Variants in GMDS observed in about 807,000 individuals in gnomAD.
The protein encoded by GMDS is GDP-mannose 4,6 dehydratase.
GMDS carries 20 observed loss-of-function variants against 49.9 expected under a neutral mutation model. The observed-to-expected ratio is 0.40, with a 90% confidence interval of 0.28 to 0.58. GMDS has a LOEUF of 0.58. Ranked by LOEUF, GMDS falls within the 20% of genes least tolerant of loss-of-function variation. The pLI, the probability that GMDS is intolerant of heterozygous loss-of-function variation, is 0.42. For missense variants in GMDS, 362 were observed against 481.4 expected (o/e 0.75, Z 2.32); for synonymous variants, 177 against 178.6 (o/e 0.99, Z 0.07).
At chr6:2,006,450 A>T (rs1767179087) in intron 4 of GMDS, among the ~76,000 whole-genome samples, 1 of 152,070 alleles carries the variant, frequency 6.6e-6, no homozygotes, top group Non-Finnish European at 1.5e-5. Context: ...AAGAAAGATA[A>T]GACAAGTATA....
intron 8 of GMDS, among the ~76,000 whole-genome samples, chr6:1,734,637 C>A (rs1157471076): frequency 6.6e-6 from 1 of 152,208 alleles, no homozygotes; most frequent in Non-Finnish European, 1.5e-5. Context: ...TGTGGGGAGG[C>A]CTCCTCAAAC....
In GMDS at chr6:2,146,657, C is replaced by T. The variant is rs528459886; in HGVS notation, c.103-21926G>A. On this transcript the variant is annotated intron_variant, in intron 1 of 10. Transcript: ENST00000380815. Reference sequence around the variant, plus strand: ...TTCTTTTGTACTCTGTATTCTTGCACACTCAAACAAGCTTTTTAACAACAC... The same window carrying T: ...TTCTTTTGTACTCTGTATTCTTGCATACTCAAACAAGCTTTTTAACAACAC... Among the ~76,000 whole-genome samples the T allele has an allele frequency of 3.7e-4, 56 of 152,280 alleles. No homozygotes were observed. The South Asian group carries it at 0.011, about 30-fold the overall frequency.
chr6:1,745,288 T>C (rs148930634), intron 7 of GMDS, among the ~76,000 whole-genome samples: 1,782 of 152,318 alleles, frequency 0.012, 13 homozygotes, highest in Non-Finnish European at 0.02. Flanking sequence ...AAGGACGTGC[T>C]AAAAATGTAA....
intron 4 of GMDS, among the ~76,000 whole-genome samples, chr6:2,017,309 A>AT (rs57958131): frequency 2.3e-4 from 34 of 147,528 alleles, no homozygotes; most frequent in Admixed American, 1.0e-3. Flanking sequence ...GATTCTTTTT[A>AT]TTTTTTTTTT....
intron 6 of GMDS, among the ~76,000 whole-genome samples, chr6:1,958,944 TACTTAAA>T (rs1581422079): frequency 6.6e-6 from 1 of 152,222 alleles, no homozygotes; most frequent in Non-Finnish European, 1.5e-5. Flanking sequence ...CACATTTTCT[TACTTAAA>T]ACTTAATACT....
At chr6:1,997,620 T>C (rs1434052975) in intron 4 of GMDS, among the ~76,000 whole-genome samples, 1 of 151,916 alleles carries the variant, frequency 6.6e-6, no homozygotes, top group Non-Finnish European at 1.5e-5. Flanking sequence ...CTGTGGTGGC[T>C]TCCTAAAGGG....
At chr6:1,846,333 T>A (rs1757411943) in intron 7 of GMDS, among the ~76,000 whole-genome samples, 1 of 151,980 alleles carries the variant, frequency 6.6e-6, no homozygotes, top group Non-Finnish European at 1.5e-5. Context: ...GCTCAAGTGA[T>A]CCACTTGCCT....
chr6:2,134,657 C>T (rs1775905298), intron 1 of GMDS, among the ~76,000 whole-genome samples: 1 of 152,200 alleles, frequency 6.6e-6, no homozygotes, highest in Admixed American at 6.5e-5. Flanking sequence ...TGTCTAACAA[C>T]TACTTCTGTT....
chr6:1,932,695 G>A (rs1430227612), intron 6 of GMDS, among the ~76,000 whole-genome samples: 2 of 151,908 alleles, frequency 1.3e-5, no homozygotes, highest in Non-Finnish European at 2.9e-5. Context: ...CCGTCACCAC[G>A]CCCAGCTAAT....
At chr6:1,951,961 G>T (rs1763359878) in intron 6 of GMDS, 11 of 983,540 alleles carry the variant, frequency 1.1e-5, no homozygotes, top group African/African-American at 1.7e-5. Flanking sequence ...AGTGTCACAG[G>T]GGTTTCTTTG....
chr6:1,645,425 G>C (rs1763456744), intron 9 of GMDS, among the ~76,000 whole-genome samples: 1 of 152,168 alleles, frequency 6.6e-6, no homozygotes, highest in African/African-American at 2.4e-5. Context: ...TTCAATCACT[G>C]TGCAAATGGC....
chr6:1,723,364 T>C (rs913524312), intron 9 of GMDS, among the ~76,000 whole-genome samples: 1 of 142,392 alleles, frequency 7.0e-6, no homozygotes, highest in Non-Finnish European at 1.5e-5. Flanking sequence ...TCTCGCTCTG[T>C]GGCCCAGGCT....
At chr6:1,660,668 A>G (rs946415415) in intron 9 of GMDS, among the ~76,000 whole-genome samples, 3 of 150,122 alleles carry the variant, frequency 2.0e-5, no homozygotes, top group Non-Finnish European at 4.4e-5. Context: ...GATCAACTGA[A>G]TAAGAGGCAT....
chr6:2,199,160 G>A (rs1324154715), intron 1 of GMDS, among the ~76,000 whole-genome samples: 1 of 152,028 alleles, frequency 6.6e-6, no homozygotes, highest in Non-Finnish European at 1.5e-5. Context: ...TAAATATTTA[G>A]ACTAATTTAC....
intron 2 of GMDS, among the ~76,000 whole-genome samples, chr6:2,122,997 C>T (rs1019240953): frequency 2.0e-5 from 3 of 152,346 alleles, no homozygotes; most frequent in Admixed American, 6.5e-5. Context: ...ACCACAAAAA[C>T]ATCTGCAGCT....
chr6:2,170,779 A>T (rs572358371), intron 1 of GMDS, among the ~76,000 whole-genome samples: 2 of 152,266 alleles, frequency 1.3e-5, no homozygotes, highest in South Asian at 4.1e-4. Flanking sequence ...GTGGATCACG[A>T]GGTCAGGAGA....
chr6:1,971,316 A>C (rs1472077474), intron 4 of GMDS, among the ~76,000 whole-genome samples: 4 of 152,096 alleles, frequency 2.6e-5, no homozygotes, highest in Non-Finnish European at 5.9e-5. Context: ...CCAGCTCTAT[A>C]GTTCAGAAAC....
At chr6:1,743,647 T>C (rs1470759151) in intron 7 of GMDS, among the ~76,000 whole-genome samples, 1 of 151,804 alleles carries the variant, frequency 6.6e-6, no homozygotes, top group Non-Finnish European at 1.5e-5. Flanking sequence ...TACTGACTGG[T>C]GGCACCAGCG....
In GMDS at chr6:2,180,731, T is replaced by C. The variant is rs75910754; in HGVS notation, c.103-56000A>G. On this transcript the variant is annotated intron_variant, in intron 1 of 10. Transcript: ENST00000380815. ...AAATCCTCCCATTAATTCCAAAGAATTTTACAAAGAATTTCCAAAATATTT... is the reference window on the plus strand; with the variant it reads ...AAATCCTCCCATTAATTCCAAAGAACTTTACAAAGAATTTCCAAAATATTT... Among the ~76,000 whole-genome samples, 1,344 of 152,304 alleles carry C rather than the reference T, an allele frequency of 8.8e-3. 64 individuals are homozygous for C. In the East Asian group the frequency reaches 0.11, roughly 13 times the overall value.
Sources: allele counts gnomAD v4.1 joint callset (sites outside exome capture counted in the v4.1 genomes callset), GRCh38; gene constraint gnomAD v4.1.1; transcripts MANE v1.5; gene names NCBI Gene and HGNC (gene_info 2026-07-23, HGNC 2026-07-21).